NCOA6: variants seen among roughly 807,000 people sequenced by gnomAD.
NCOA6 encodes the protein nuclear receptor coactivator 6, also known as NRC RAP250.
NCOA6 carries 49 observed loss-of-function variants against 171.4 expected under a neutral mutation model. The ratio of observed to expected loss-of-function variants is 0.29; its 90% CI spans 0.23 to 0.36. The LOEUF (loss-of-function observed/expected upper bound fraction) is 0.36. Ranked by LOEUF, NCOA6 falls within the 10% of genes least tolerant of loss-of-function variation. The pLI, the probability that NCOA6 is intolerant of heterozygous loss-of-function variation, is 1.00. For synonymous variants in NCOA6, 910 were observed against 927.5 expected (o/e 0.98, Z 0.34); for missense variants, 2,248 against 2,554.5 (o/e 0.88, Z 2.59).
In NCOA6 at chr20:34,757,628, G is replaced by A. The variant is rs535007151; in HGVS notation, c.1120C>T (p.Pro374Ser). ...ATVQTPSHPP[P>S]PYPFGSQQAS... ...TGCTGGCTGCCAAAGGGATATGGAG[G>A]GGGAGGGTGGGAAGGCGTCTGTACC... Residue 374 changes from proline (P) to serine (S), a missense_variant, in exon 7 of 15, where the codon CCT (proline) becomes TCT (serine). Transcript: ENST00000359003. The A allele has an allele frequency of 6.2e-7, 1 of 1,614,038 alleles. No homozygotes were observed. The highest frequency in any genetic ancestry group is 2.2e-5 in the East Asian group (1 of 44,882).
intron 5 of NCOA6, among the ~76,000 whole-genome samples, chr20:34,759,572 G>A (rs1247078730): frequency 6.6e-6 from 1 of 151,834 alleles, no homozygotes; most frequent in Non-Finnish European, 1.5e-5. Context: ...TTTAATCTTT[G>A]TATAAATGGC....
chr20:34,769,334 A>G (rs2077070166), intron 4 of NCOA6, among the ~76,000 whole-genome samples: 1 of 151,156 alleles, frequency 6.6e-6, no homozygotes, highest in South Asian at 2.1e-4. Flanking sequence ...CTGGGACCAC[A>G]GGCGCACATC....
At chr20:34,822,504 T>G (rs1275701632) in intron 1 of NCOA6, among the ~76,000 whole-genome samples, 1 of 152,334 alleles carries the variant, frequency 6.6e-6, no homozygotes, top group South Asian at 2.1e-4. Flanking sequence ...TCCCTGATTC[T>G]TTGAGCAGAC....
chr20:34,808,000 A>T (rs1281817215), intron 1 of NCOA6, among the ~76,000 whole-genome samples: 3 of 151,572 alleles, frequency 2.0e-5, no homozygotes, highest in Non-Finnish European at 4.4e-5. Context: ...AAACACAAAA[A>T]TTAGCTGGGT....
chr20:34,765,272 G>C (rs2076944432), intron 5 of NCOA6, among the ~76,000 whole-genome samples: 1 of 151,306 alleles, frequency 6.6e-6, no homozygotes, highest in Admixed American at 6.6e-5. Flanking sequence ...CTAACACAGT[G>C]AACCCTCGTC....
chr20:34,764,095 T>G (rs986747795), intron 5 of NCOA6, among the ~76,000 whole-genome samples: 2 of 151,498 alleles, frequency 1.3e-5, no homozygotes, highest in African/African-American at 4.9e-5. Context: ...CATTTTTTTT[T>G]TTTGTTTTTT....
chr20:34,726,879 C>T (rs1990016521), intron 14 of NCOA6, among the ~76,000 whole-genome samples: 1 of 151,694 alleles, frequency 6.6e-6, no homozygotes, highest in Admixed American at 6.6e-5. Flanking sequence ...TACTTGAGCC[C>T]AGGAATTCAA....
chr20:34,734,007 C>T (rs949091682), intron 12 of NCOA6, among the ~76,000 whole-genome samples: 4 of 152,042 alleles, frequency 2.6e-5, no homozygotes, highest in South Asian at 2.1e-4. Flanking sequence ...TTGGCTGGAA[C>T]GTATAAACTC....
intron 2 of NCOA6, among the ~76,000 whole-genome samples, chr20:34,786,834 A>T (rs1399392339): frequency 6.6e-6 from 1 of 152,182 alleles, no homozygotes; most frequent in East Asian, 1.9e-4. Context: ...CTCAAAATGG[A>T]TTAAAGACTT....
chr20:34,715,816 T>C (rs1988493601), intron 14 of NCOA6, among the ~76,000 whole-genome samples: 1 of 152,190 alleles, frequency 6.6e-6, no homozygotes, highest in South Asian at 2.1e-4. Context: ...AGCCAAGCTA[T>C]TGTTTCACAG....
chr20:34,715,396 G>C (rs1265986970), intron 14 of NCOA6, 31 bp from the exon 15 acceptor site: 2 of 1,538,930 alleles, frequency 1.3e-6, no homozygotes, highest in Admixed American at 1.7e-5. Flanking sequence ...ATGTTCAGTG[G>C]AAGTAACTCT....
rs760311279 is a variant in NCOA6 at position 34,743,055 on chromosome 20, T to G, written c.3201A>C (p.Arg1067Ser). The G allele has an allele frequency of 1.9e-6, 3 of 1,613,822 alleles. No individual in the cohort carries two copies. In the South Asian group the frequency reaches 3.3e-5, roughly 18 times the overall value. Reference sequence around the variant, plus strand: ...CACTGCCACTCTGTTGCATGGGCATTCTCTGGGAGTCGGGGTTCAGGGGGC... The same window carrying G: ...CACTGCCACTCTGTTGCATGGGCATGCTCTGGGAGTCGGGGTTCAGGGGGC... ...PRGPLNPDSQRMPMQQSGSVP... is the reference protein window; with the variant it reads ...PRGPLNPDSQSMPMQQSGSVP... Residue 1067 changes from arginine (R) to serine (S), a missense_variant, in exon 11 of 15, where the codon AGA becomes AGC. By Grantham distance (110) the Arg-to-Ser change is moderately radical. This residue lies in a region of NCOA6 where 352 missense variants were observed against 419.1 expected (regional missense o/e 0.84). Transcript: ENST00000359003.
intron 12 of NCOA6, 33 bp from the exon 13 acceptor site, chr20:34,732,628 GTGGGAGC>G: frequency 2.5e-6 from 4 of 1,595,442 alleles, no homozygotes; most frequent in Non-Finnish European, 3.4e-6. Flanking sequence ...GAAATGAAAT[GTGGGAGC>G]TGCCACAGAG....
intron 5 of NCOA6, among the ~76,000 whole-genome samples, chr20:34,766,014 A>G (rs924831526): frequency 3.4e-4 from 52 of 152,186 alleles, no homozygotes; most frequent in Non-Finnish European, 1.5e-4. Context: ...TTATTGTTTT[A>G]GAGGGGATTT....
At chr20:34,788,654 T>C (rs755370189) in intron 2 of NCOA6, among the ~76,000 whole-genome samples, 1 of 152,164 alleles carries the variant, frequency 6.6e-6, no homozygotes, top group Non-Finnish European at 1.5e-5. Context: ...GAAGGACATA[T>C]AGGTTTTAAA....
chr20:34,760,170 A>G (rs2076774616), intron 5 of NCOA6, among the ~76,000 whole-genome samples: 1 of 152,206 alleles, frequency 6.6e-6, no homozygotes, highest in African/African-American at 2.4e-5. Context: ...CTAGCTATTT[A>G]GGAAGCTAAG....
In NCOA6 at chr20:34,741,729, C is replaced by A; in HGVS notation, c.4527G>T (p.Gly1509=). ...GAPNVTIKPP[G]LTDLEVTPPV... ...GAGGTGTTACTTCCAGATCTGTAAGCCCAGGGGGTTTAATTGTCACATTGG... is the reference window on the plus strand; with the variant it reads ...GAGGTGTTACTTCCAGATCTGTAAGACCAGGGGGTTTAATTGTCACATTGG... Residue 1509 remains glycine, a synonymous_variant, in exon 11 of 15, where the codon GGG becomes GGT. Coordinates refer to ENST00000359003, the MANE Select transcript of NCOA6 (RefSeq NM_014071.5). 6.2e-7 allele frequency: 1 copy of A among 1,614,148 alleles called. No individual in the cohort carries two copies. Among genetic ancestry groups the A allele is most frequent in the Non-Finnish European group, 8.5e-7 (1 of 1,180,038 alleles).
chr20:34,764,907 A>G (rs2076930272), intron 5 of NCOA6, among the ~76,000 whole-genome samples: 1 of 151,718 alleles, frequency 6.6e-6, no homozygotes, highest in Non-Finnish European at 1.5e-5. Context: ...TCAGAGCAGG[A>G]GTTCAAGACC....
chr20:34,750,324 A>C lies in NCOA6; in HGVS notation c.1871T>G (p.Met624Arg). 1 of 1,613,570 alleles carries C rather than the reference A, an allele frequency of 6.2e-7. No homozygotes were observed. The highest frequency in any genetic ancestry group is 8.5e-7 in the Non-Finnish European group (1 of 1,179,852). The change falls in exon 9 of 15, where the codon ATG (methionine) becomes AGG (arginine). Residue 624 changes from methionine (M) to arginine (R), a missense_variant. Physicochemically the swap from Met to Arg is moderately conservative, Grantham distance 91. Around this residue, in one of 7 missense-constraint regions of NCOA6, gnomAD observed 987 missense variants for 1,104.7 expected, o/e 0.89. Coordinates refer to ENST00000359003, the MANE Select transcript of NCOA6 (RefSeq NM_014071.5). Reference protein sequence around the residue: ...QQGPPSQLMGMHQQIVPSQGQ... With the variant: ...QQGPPSQLMGRHQQIVPSQGQ... ...CTGGGAGGGCACGATTTGCTGGTGC[A>C]TGCCCATCAGCTGAGATGGTGGGCC...
Sources: allele counts gnomAD v4.1 joint callset (sites outside exome capture counted in the v4.1 genomes callset), GRCh38; gene constraint gnomAD v4.1.1; regional missense constraint gnomAD v4.1.1; transcripts MANE v1.5; gene names NCBI Gene and HGNC (gene_info 2026-07-23, HGNC 2026-07-21).